Variants in TTC6 observed in about 807,000 individuals in gnomAD.
The protein encoded by TTC6 is tetratricopeptide repeat domain 6, also known as tetratricopeptide repeat protein 6.
In TTC6, 172 loss-of-function variants were observed where a neutral mutation model predicts 210.4. The ratio of observed to expected loss-of-function variants is 0.82; its 90% confidence interval spans 0.72 to 0.93. TTC6 has a LOEUF of 0.93. Among genes scored for constraint, TTC6 ranks in the 40% least tolerant of loss-of-function variants. TTC6 has a pLI of 0.00. For synonymous variants in TTC6, 804 were observed against 819.6 expected (o/e 0.98, Z 0.32); for missense variants, 2,414 against 2,318.1 (o/e 1.04, Z -0.85).
chr14:37,624,405 CAT>C (rs1396961576), intron 1 of TTC6, among the ~76,000 whole-genome samples: 2 of 152,170 alleles, frequency 1.3e-5, no homozygotes, highest in Non-Finnish European at 2.9e-5. Flanking sequence ...TGCTCTACGA[CAT>C]AGTTAAGGTA....
chr14:37,677,707 T>C (rs1332907667), intron 1 of TTC6, among the ~76,000 whole-genome samples: 2 of 152,078 alleles, frequency 1.3e-5, no homozygotes, highest in Non-Finnish European at 2.9e-5. Flanking sequence ...ACTGAGTATT[T>C]GTTCATTTTA....
intron 3 of TTC6, among the ~76,000 whole-genome samples, chr14:37,691,549 C>T (rs973594378): frequency 1.3e-5 from 2 of 151,924 alleles, no homozygotes; most frequent in African/African-American, 4.8e-5. Flanking sequence ...AAAAGTAGTA[C>T]TAAGAGGGAA....
chr14:37,645,300 T>G (rs1473180331), intron 1 of TTC6, among the ~76,000 whole-genome samples: 2 of 152,244 alleles, frequency 1.3e-5, no homozygotes. Context: ...TGGTCCTACC[T>G]GCTCAATCCA....
chr14:37,622,953 A>G (rs999476305), exon 1 of TTC6: 2 of 1,527,292 alleles, frequency 1.3e-6, no homozygotes, highest in Non-Finnish European at 8.8e-7. Context: ...CCAGACCATC[A>G]AAGAGCTCAT....
At chr14:37,765,546 C>G (rs971856588) in intron 14 of TTC6, among the ~76,000 whole-genome samples, 1 of 151,994 alleles carries the variant, frequency 6.6e-6, no homozygotes, top group Non-Finnish European at 1.5e-5. Context: ...ATGCATTTGT[C>G]TTTTATGTCA....
intron 7 of TTC6, among the ~76,000 whole-genome samples, chr14:37,725,546 C>T (rs1453095543): frequency 6.6e-6 from 1 of 151,292 alleles, no homozygotes; most frequent in Non-Finnish European, 1.5e-5. Context: ...GATGGGGTTT[C>T]TCCATGTTGG....
At chr14:37,676,830 T>C (rs1003463920) in intron 1 of TTC6, among the ~76,000 whole-genome samples, 3 of 152,094 alleles carry the variant, frequency 2.0e-5, no homozygotes, top group Admixed American at 2.0e-4. Flanking sequence ...TTGTTTCCCA[T>C]TGAATGTTTT....
chr14:37,796,325 G>A, exon 19 of TTC6: 1 of 1,295,278 alleles, frequency 7.7e-7, no homozygotes. Flanking sequence ...GAAATATTAT[G>A]ATCTTGCAAA....
At chr14:37,620,372 T>C (rs1356644225), upstream of TTC6, among the ~76,000 whole-genome samples, 2 of 152,220 alleles carry the variant, frequency 1.3e-5, no homozygotes, top group African/African-American at 4.8e-5. Context: ...TGACCTTAGG[T>C]ATTCTCTAAA....
chr14:37,737,522 A>G, intron 8 of TTC6, 138 bp from the exon 11 acceptor site: 1 of 474,350 alleles, frequency 2.1e-6, no homozygotes, highest in Non-Finnish European at 3.6e-6. Context: ...AGTGACTTCA[A>G]ACTCAGTATC....
intron 3 of TTC6, among the ~76,000 whole-genome samples, chr14:37,694,237 G>A (rs977176118): frequency 1.3e-5 from 2 of 152,248 alleles, no homozygotes; most frequent in African/African-American, 2.4e-5. Flanking sequence ...CAGGATATAT[G>A]AGGAGCTCAA....
At chr14:37,735,938 A>G (rs1307534790) in exon 8 of TTC6, 1 of 1,532,802 alleles carries the variant, frequency 6.5e-7, no homozygotes, top group Non-Finnish European at 8.7e-7. Context: ...AAGCAAGCAG[A>G]CTTTTAACTG....
At chr14:37,683,098 G>A (rs928304492) in intron 3 of TTC6, 134 bp downstream of exon 5, 1 of 736,696 alleles carries the variant, frequency 1.4e-6, no homozygotes, top group Non-Finnish European at 2.2e-6. Flanking sequence ...CTCTGAAAAG[G>A]GGGCCTCAGA....
intron 7 of TTC6, among the ~76,000 whole-genome samples, chr14:37,729,401 G>A (rs768138487): frequency 3.9e-5 from 6 of 152,136 alleles, no homozygotes; most frequent in Non-Finnish European, 7.3e-5. Flanking sequence ...TCTGCTGAGG[G>A]GGCATACTTG....
intron 1 of TTC6, among the ~76,000 whole-genome samples, chr14:37,645,864 CT>C (rs1240778780): frequency 6.6e-6 from 1 of 152,128 alleles, no homozygotes; most frequent in African/African-American, 2.4e-5. Context: ...ATATTTTGCC[CT>C]TTTTAATATC....
At position 37,658,392 on chromosome 14, in the gene TTC6, C is replaced by T. The variant is rs550886283; in HGVS notation, c.940-21759C>T. Among the ~76,000 whole-genome samples, 4 of 152,072 alleles carry T rather than the reference C, an allele frequency of 2.6e-5. No individual in the cohort carries two copies. In the East Asian group the frequency reaches 7.7e-4, roughly 29 times the overall value. On this transcript the variant is annotated intron_variant, in intron 1 of 30. Coordinates refer to ENST00000553443, the Ensembl canonical transcript of TTC6. ...TTTCTCTTTGGAACAAAGGAGAGAC[C>T]ATGAGGACATTGGCCATTGTTACTT...
At chr14:37,628,792 A>G (rs2095664604) in intron 1 of TTC6, among the ~76,000 whole-genome samples, 2 of 152,306 alleles carry the variant, frequency 1.3e-5, no homozygotes, top group Non-Finnish European at 1.5e-5. Flanking sequence ...TATAAGGTGC[A>G]AGGAAGGGGT....
At chr14:37,614,260 G>T (rs1833431428) in intron 2 of TTC6, among the ~76,000 whole-genome samples, 1 of 151,782 alleles carries the variant, frequency 6.6e-6, no homozygotes, top group Admixed American at 6.6e-5. Context: ...TTTAAAAATG[G>T]TTTCTCCAGT....
chr14:37,824,474 G>A (rs931998850), intron 27 of TTC6, among the ~76,000 whole-genome samples: 1 of 152,162 alleles, frequency 6.6e-6, no homozygotes, highest in Non-Finnish European at 1.5e-5. Flanking sequence ...AATGTGTTAA[G>A]ATCATCATCA....
Sources: allele counts gnomAD v4.1 joint callset (sites outside exome capture counted in the v4.1 genomes callset), GRCh38; gene constraint gnomAD v4.1.1; transcripts MANE v1.5; gene names NCBI Gene and HGNC (gene_info 2026-07-23, HGNC 2026-07-21).